The following GRID2 variants were observed in gnomAD, a reference collection of about 807,000 sequenced individuals.
The protein encoded by GRID2 is glutamate receptor ionotropic, delta-2.
In GRID2, 33 loss-of-function variants were observed where a neutral mutation model predicts 114.8. That is an observed-to-expected ratio of 0.29 (90% confidence interval 0.22 to 0.38). GRID2 has a LOEUF of 0.38. Among genes scored for constraint, GRID2 ranks in the 10% least tolerant of loss-of-function variants. The pLI is 1.00. For synonymous variants in GRID2, 505 were observed against 449.9 expected (o/e 1.12, Z -1.55); for missense variants, 1,184 against 1,257.7 (o/e 0.94, Z 0.89).
At chr4:92,309,196 G>C (rs186493866) in intron 1 of GRID2, among the ~76,000 whole-genome samples, 6 of 152,072 alleles carry the variant, frequency 3.9e-5, no homozygotes, top group Admixed American at 3.9e-4. Context: ...AGGAGTGATG[G>C]AAGATACATT....
chr4:92,487,998 A>C (rs924418201), intron 1 of GRID2, among the ~76,000 whole-genome samples: 3 of 152,158 alleles, frequency 2.0e-5, no homozygotes, highest in African/African-American at 7.2e-5. Flanking sequence ...TTTCTGATTC[A>C]GTTTGTAGAA....
At chr4:93,799,702 C>A (rs1734884755) in intron 1 of GRID2, among the ~76,000 whole-genome samples, 1 of 152,054 alleles carries the variant, frequency 6.6e-6, no homozygotes, top group South Asian at 2.1e-4. Flanking sequence ...TATGATTTAG[C>A]TAGATGTGAT....
chr4:93,660,404 T>C (rs1007360873), intron 14 of GRID2, among the ~76,000 whole-genome samples: 1 of 152,032 alleles, frequency 6.6e-6, no homozygotes, highest in African/African-American at 2.4e-5. Context: ...AATTTCATAA[T>C]GAGAAAAAAA....
chr4:93,670,965 C>T (rs1273930437), intron 14 of GRID2, among the ~76,000 whole-genome samples: 1 of 152,100 alleles, frequency 6.6e-6, no homozygotes, highest in Non-Finnish European at 1.5e-5. Context: ...GTACATAGGA[C>T]TATATCAGTA....
At chr4:92,787,533 G>A (rs1739375122) in intron 2 of GRID2, among the ~76,000 whole-genome samples, 1 of 151,874 alleles carries the variant, frequency 6.6e-6, no homozygotes, top group South Asian at 2.1e-4. Context: ...GAGCATGACT[G>A]GTGTGTGAAA....
At chr4:92,324,918 G>A (rs147503788) in intron 1 of GRID2, among the ~76,000 whole-genome samples, 15 of 151,894 alleles carry the variant, frequency 9.9e-5, no homozygotes, top group African/African-American at 3.6e-4. Flanking sequence ...GGAAATCAGA[G>A]TTCAAAATTA....
intron 4 of GRID2, among the ~76,000 whole-genome samples, chr4:93,183,270 C>T (rs1186564058): frequency 1.3e-5 from 2 of 152,108 alleles, no homozygotes; most frequent in Non-Finnish European, 2.9e-5. Flanking sequence ...AAATGTTTGA[C>T]AGTCTTTTTA....
At chr4:93,668,337 CTTTGAGTTCTGTTATCTGA>C (rs1431928500) in intron 14 of GRID2, among the ~76,000 whole-genome samples, 1 of 151,686 alleles carries the variant, frequency 6.6e-6, no homozygotes, top group Non-Finnish European at 1.5e-5. Context: ...ACTCAATGAA[CTTTGAGTTCTGTTATCTGA>C]TTTTCATAGT....
chr4:93,317,389 G>A (rs1756771301), intron 8 of GRID2, among the ~76,000 whole-genome samples: 1 of 151,600 alleles, frequency 6.6e-6, no homozygotes, highest in South Asian at 2.1e-4. Context: ...CTCTGCCACT[G>A]ATAATAGTGA....
rs557282856 is a variant in GRID2, at chr4:93,033,089, T to A, written c.245-51906T>A. ...AATATTTTCACCCAAGTATATATAC[T>A]CAATATCACACACAACGATAGACCT... On this transcript the variant is annotated intron_variant, in intron 2 of 15. Coordinates refer to ENST00000282020, the MANE Select transcript of GRID2 (RefSeq NM_001510.4). 4.6e-5 allele frequency among the ~76,000 whole-genome samples: 7 copies of A among 152,318 alleles called. No individual in the cohort carries two copies. In the South Asian group the frequency reaches 1.2e-3, roughly 27 times the overall value.
chr4:92,985,225 ATTT>A (rs778500467), intron 2 of GRID2, among the ~76,000 whole-genome samples: 3 of 141,178 alleles, frequency 2.1e-5, no homozygotes, highest in Admixed American at 7.1e-5. Flanking sequence ...AATAAGGGTA[ATTT>A]TTTTTTTTTT....
chr4:92,688,039 T>C lies in GRID2; in HGVS notation c.244+97753T>C, dbSNP rs1346801836. Among the ~76,000 whole-genome samples, 11 of 95,126 alleles carry C rather than the reference T, an allele frequency of 1.2e-4. 2 individuals are homozygous for C. Among genetic ancestry groups the C allele is most frequent in the East Asian group, 6.1e-4 (2 of 3,302 alleles). The allele number at this position is 95,126 out of a possible 152,430, so 62.4% of individuals were successfully genotyped here. A position where few individuals can be genotyped will look rare whatever the true frequency, so the allele number is the denominator to read the frequency against. On this transcript the variant is annotated intron_variant, in intron 2 of 15. Transcript: ENST00000282020. ...CACATTGGTTGACCCTTCTTCTTCTTTTTTTTTTTTTTTTTTTTTTTTTTT... is the reference window on the plus strand; with the variant it reads ...CACATTGGTTGACCCTTCTTCTTCTCTTTTTTTTTTTTTTTTTTTTTTTTT...
At chr4:93,273,829 A>C (rs1365738571) in intron 8 of GRID2, among the ~76,000 whole-genome samples, 1 of 152,168 alleles carries the variant, frequency 6.6e-6, no homozygotes. Context: ...AGAGAACTGC[A>C]AGGAACTGAA....
At chr4:92,491,702 T>G (rs1723155723) in intron 1 of GRID2, among the ~76,000 whole-genome samples, 1 of 152,156 alleles carries the variant, frequency 6.6e-6, no homozygotes. Context: ...TGTGTGTGTG[T>G]GTACATGATG....
At chr4:92,550,677 G>A (rs1464880624) in intron 1 of GRID2, among the ~76,000 whole-genome samples, 1 of 151,924 alleles carries the variant, frequency 6.6e-6, no homozygotes, top group Non-Finnish European at 1.5e-5. Flanking sequence ...ACAGTTTCAG[G>A]GTACTTTACA....
chr4:92,420,088 C>T (rs1306702404), intron 1 of GRID2, among the ~76,000 whole-genome samples: 1 of 152,032 alleles, frequency 6.6e-6, no homozygotes, highest in African/African-American at 2.4e-5. Flanking sequence ...TTTAGCACTT[C>T]TTTTAAAAAA....
At chr4:92,788,698 C>T (rs542749494) in intron 2 of GRID2, among the ~76,000 whole-genome samples, 49 of 151,778 alleles carry the variant, frequency 3.2e-4, no homozygotes, top group Admixed American at 5.3e-4. Flanking sequence ...AGATTGAACA[C>T]TTTTTCATAT....
chr4:93,696,924 G>A (rs1013204722), intron 14 of GRID2, among the ~76,000 whole-genome samples: 6 of 151,982 alleles, frequency 3.9e-5, no homozygotes, highest in East Asian at 1.9e-4. Context: ...CATGCAATTC[G>A]TTCCACATTA....
intron 4 of GRID2, among the ~76,000 whole-genome samples, chr4:93,200,294 CG>C (rs1301407718): frequency 6.6e-6 from 1 of 152,126 alleles, no homozygotes; most frequent in Non-Finnish European, 1.5e-5. Flanking sequence ...AGGCCGGGTG[CG>C]GTGGCTCACG....
Sources: allele counts gnomAD v4.1 joint callset (sites outside exome capture counted in the v4.1 genomes callset), GRCh38; gene constraint gnomAD v4.1.1; transcripts MANE v1.5; gene names NCBI Gene and HGNC (gene_info 2026-07-23, HGNC 2026-07-21).